The following NRXN3 variants were observed in gnomAD, a reference collection of about 807,000 sequenced individuals.
NRXN3 encodes the protein neurexin III.
In NRXN3, 32 loss-of-function variants were observed where a neutral mutation model predicts 137.6. The ratio of observed to expected loss-of-function variants is 0.23; its 90% confidence interval spans 0.18 to 0.31. The LOEUF (loss-of-function observed/expected upper bound fraction) is 0.31. NRXN3 is among the 10% of genes least tolerant of loss of function. The pLI, the probability that NRXN3 is intolerant of heterozygous loss-of-function variation, is 1.00. For missense variants in NRXN3, 1,574 were observed against 2,062.5 expected, an observed-to-expected ratio of 0.76 and a Z score of 4.59; for synonymous variants, 798 against 784.5, an observed-to-expected ratio of 1.02 and a Z score of -0.29.
intron 10 of NRXN3, among the ~76,000 whole-genome samples, chr14:78,934,588 G>A (rs1394469890): frequency 6.6e-6 from 1 of 152,248 alleles, no homozygotes; most frequent in Non-Finnish European, 1.5e-5. Context: ...GTAGCAACAG[G>A]TCTCCCTGTT....
chr14:79,470,056 G>T (rs953246232), intron 16 of NRXN3, among the ~76,000 whole-genome samples: 2 of 152,104 alleles, frequency 1.3e-5, no homozygotes, highest in African/African-American at 4.8e-5. Flanking sequence ...TTTGTTGAAT[G>T]GTTTGTTTTC....
chr14:79,374,957 A>C (rs1422195828), intron 15 of NRXN3, among the ~76,000 whole-genome samples: 1 of 152,176 alleles, frequency 6.6e-6, no homozygotes, highest in Non-Finnish European at 1.5e-5. Context: ...GAACAGCAGC[A>C]TCCAAAAAAT....
chr14:79,728,301 TGCAGTGA>T (rs548603579), intron 19 of NRXN3, among the ~76,000 whole-genome samples: 118 of 152,332 alleles, frequency 7.7e-4, no homozygotes, highest in African/African-American at 2.7e-3. Flanking sequence ...AGGGAGAGTC[TGCAGTGA>T]GCAAGGTAAG....
intron 15 of NRXN3, among the ~76,000 whole-genome samples, chr14:79,077,358 C>A (rs2046153439): frequency 1.3e-5 from 2 of 152,166 alleles, no homozygotes; most frequent in South Asian, 4.1e-4. Context: ...GAAGTGTCCA[C>A]ACGATGTTTG....
intron 16 of NRXN3, among the ~76,000 whole-genome samples, chr14:79,613,803 A>T (rs1294147788): frequency 1.3e-5 from 2 of 152,238 alleles, no homozygotes; most frequent in Non-Finnish European, 2.9e-5. Context: ...ATTCTGTCTA[A>T]GTCAACCTTT....
At chr14:78,410,439 A>G (rs754910916) in intron 4 of NRXN3, among the ~76,000 whole-genome samples, 1 of 152,214 alleles carries the variant, frequency 6.6e-6, no homozygotes, top group African/African-American at 2.4e-5. Context: ...GCTCAGTGGC[A>G]TGAATAATAG....
chr14:79,484,843 A>G (rs1047475459), intron 16 of NRXN3, among the ~76,000 whole-genome samples: 1 of 152,206 alleles, frequency 6.6e-6, no homozygotes, highest in South Asian at 2.1e-4. Flanking sequence ...TCTGGGGCCC[A>G]CATATTCAGA....
chr14:78,848,418 G>T (rs1244600832), intron 10 of NRXN3, among the ~76,000 whole-genome samples: 1 of 152,120 alleles, frequency 6.6e-6, no homozygotes, highest in Non-Finnish European at 1.5e-5. Flanking sequence ...TTAAAAGAAA[G>T]GAAAGCAAGC....
intron 4 of NRXN3, among the ~76,000 whole-genome samples, chr14:78,461,420 C>T (rs1315601813): frequency 6.6e-6 from 1 of 152,092 alleles, no homozygotes; most frequent in Non-Finnish European, 1.5e-5. Context: ...TTCCTTTACT[C>T]TGCTTATTTT....
At position 79,141,133 on chromosome 14, in the gene NRXN3, T is replaced by C. The variant is rs113604530; in HGVS notation, c.3262+152992T>C. ...TTTAGTTGGTGCCTTTAATTGGCCA[T>C]TTATTCCTGAGTGTGTTGGGCGTAG... On this transcript the variant is annotated intron_variant, in intron 15 of 20. Transcript: ENST00000335750. Among the ~76,000 whole-genome samples the C allele has an allele frequency of 7.9e-3, 1,196 of 152,278 alleles. 11 individuals are homozygous for C. Among genetic ancestry groups the C allele is most frequent in the African/African-American group, 0.027 (1,123 of 41,544 alleles).
At chr14:79,413,480 A>G (rs1295573020) in intron 15 of NRXN3, among the ~76,000 whole-genome samples, 1 of 152,022 alleles carries the variant, frequency 6.6e-6, no homozygotes, top group African/African-American at 2.4e-5. Context: ...TGGTGCTGTA[A>G]ATGTACATGA....
intron 10 of NRXN3, among the ~76,000 whole-genome samples, chr14:78,956,429 G>A (rs950435889): frequency 6.6e-6 from 1 of 152,036 alleles, no homozygotes; most frequent in Non-Finnish European, 1.5e-5. Context: ...TCTTTATAGG[G>A]TTCACTTGAA....
chr14:79,663,629 A>G (rs538331180), intron 16 of NRXN3, 149 bp from the exon 17 acceptor site: 2 of 688,238 alleles, frequency 2.9e-6, no homozygotes, highest in African/African-American at 1.8e-5. Flanking sequence ...AAGCTCATGG[A>G]GAAATGTAGA....
intron 15 of NRXN3, among the ~76,000 whole-genome samples, chr14:79,438,464 C>G (rs1009788440): frequency 5.3e-5 from 8 of 152,138 alleles, no homozygotes; most frequent in Non-Finnish European, 1.2e-4. Flanking sequence ...TAAAGAAGTA[C>G]TAAAAAGGCC....
chr14:79,426,238 G>C (rs2095653173), intron 15 of NRXN3, among the ~76,000 whole-genome samples: 2 of 152,170 alleles, frequency 1.3e-5, no homozygotes, highest in African/African-American at 4.8e-5. Context: ...CTGGCCAGCT[G>C]CAGCGCTACC....
At chr14:79,775,553 GAAAAAAAAAAA>G (rs749252781) in intron 19 of NRXN3, among the ~76,000 whole-genome samples, 1 of 69,022 alleles carries the variant, frequency 1.4e-5, no homozygotes, top group African/African-American at 4.9e-5. Flanking sequence ...GGCTCTAACC[GAAAAAAAAAAA>G]AAAAAAAAAG....
At chr14:79,304,584 G>T (rs1476733942) in intron 15 of NRXN3, among the ~76,000 whole-genome samples, 6 of 152,026 alleles carry the variant, frequency 3.9e-5, no homozygotes, top group Admixed American at 1.3e-4. Context: ...TAAAATATTT[G>T]ATTGATTACA....
chr14:78,666,041 C>T (rs189120548), intron 6 of NRXN3, among the ~76,000 whole-genome samples: 4 of 152,166 alleles, frequency 2.6e-5, no homozygotes, highest in East Asian at 1.9e-4. Context: ...TTTCAACTTC[C>T]GAATTACTCA....
intron 19 of NRXN3, among the ~76,000 whole-genome samples, chr14:79,771,569 T>C (rs1306922079): frequency 2.0e-5 from 3 of 150,148 alleles, no homozygotes; most frequent in African/African-American, 7.4e-5. Context: ...TTGACAAAAT[T>C]CAACAGCCCT....
Sources: allele counts gnomAD v4.1 joint callset (sites outside exome capture counted in the v4.1 genomes callset), GRCh38; gene constraint gnomAD v4.1.1; transcripts MANE v1.5; gene names NCBI Gene and HGNC (gene_info 2026-07-23, HGNC 2026-07-21).